The following ITGA6 variants were observed in gnomAD, a reference collection of about 807,000 sequenced individuals.
ITGA6 encodes the protein integrin alpha-6.
Under a neutral mutation model 133.6 loss-of-function variants are expected in ITGA6, and 63 were observed. The ratio of observed to expected loss-of-function variants is 0.47; its 90% CI spans 0.38 to 0.58. The LOEUF is 0.58. ITGA6 is among the 20% of genes least tolerant of loss of function. The pLI is 0.00. For missense variants in ITGA6, 1,068 were observed against 1,309.4 expected (o/e 0.82, Z 2.85); for synonymous variants, 434 against 482.0 (o/e 0.90, Z 1.30).
Position 172,465,591 on chromosome 2 carries a change from A to C in ITGA6, c.235A>C (p.Arg79=), listed in dbSNP as rs1007858324. 1 of 1,614,262 alleles carries C rather than the reference A, an allele frequency of 6.2e-7. No homozygotes were observed. Among genetic ancestry groups the C allele is most frequent in the African/African-American group, 1.3e-5 (1 of 75,064 alleles). ...AGCGCTTCCACTGCAGAGAGCCAAC[A>C]GAACGGGAGGGCTGTACAGCTGCGA... ...AEALPLQRAN[R]TGGLYSCDIT... The change falls in exon 2 of 26, where the codon AGA becomes CGA. Residue 79 remains arginine, a synonymous_variant. Transcript: ENST00000684293.
intron 23 of ITGA6, among the ~76,000 whole-genome samples, chr2:172,493,925 A>G (rs1487436902): frequency 6.6e-6 from 1 of 152,206 alleles, no homozygotes; most frequent in Non-Finnish European, 1.5e-5. Flanking sequence ...TAGAGCTTGG[A>G]GAACTCATGC....
chr2:172,433,961 G>T (rs1684213647), intron 1 of ITGA6, among the ~76,000 whole-genome samples: 1 of 152,134 alleles, frequency 6.6e-6, no homozygotes, highest in African/African-American at 2.4e-5. Flanking sequence ...TATAGGTTGG[G>T]CTTACTGCTA....
intron 1 of ITGA6, among the ~76,000 whole-genome samples, chr2:172,439,299 G>A (rs527651101): frequency 1.7e-4 from 26 of 151,986 alleles, no homozygotes; most frequent in Non-Finnish European, 2.6e-4. Context: ...AAAAAATGAC[G>A]AATGGCCTTG....
intron 24 of ITGA6, among the ~76,000 whole-genome samples, chr2:172,499,990 C>G (rs968060041): frequency 6.6e-6 from 1 of 152,056 alleles, no homozygotes; most frequent in South Asian, 2.1e-4. Flanking sequence ...CTCTAAAATA[C>G]GACTTATACA....
At chr2:172,502,018 A>G (rs1379743334) in intron 25 of ITGA6, 117 bp downstream of exon 25, 1 of 907,016 alleles carries the variant, frequency 1.1e-6, no homozygotes, top group Non-Finnish European at 1.7e-6. Context: ...CCAAATGTCC[A>G]CACTGGCTTG....
chr2:172,467,465 A>C lies in ITGA6; in HGVS notation c.308-16A>C. 6.2e-7 allele frequency: 1 copy of C among 1,607,760 alleles called. No homozygotes were observed. The highest frequency in any genetic ancestry group is 8.5e-7 in the Non-Finnish European group (1 of 1,174,418). On this transcript the variant is annotated splice_polypyrimidine_tract_variant and intron_variant, in intron 2 of 25. Coordinates refer to ENST00000684293, the MANE Select transcript of ITGA6 (RefSeq NM_000210.4). Reference sequence around the variant, plus strand: ...TGTGCAGTCACTTGGAAGGCTAACTATGCTCCTTTCTACAGCTGACCCCAC... The same window carrying C: ...TGTGCAGTCACTTGGAAGGCTAACTCTGCTCCTTTCTACAGCTGACCCCAC...
chr2:172,467,057 T>C (rs553034997), intron 2 of ITGA6, among the ~76,000 whole-genome samples: 1 of 152,288 alleles, frequency 6.6e-6, no homozygotes, highest in East Asian at 1.9e-4. Flanking sequence ...ATAAAAAAAT[T>C]GGGGAGTATA....
rs1347992432 is a variant in ITGA6, at chr2:172,504,128, T to A, written c.*60T>A. 17 of 1,600,762 alleles carry A rather than the reference T, an allele frequency of 1.1e-5. No individual in the cohort carries two copies. The highest frequency in any genetic ancestry group is 1.4e-5 in the Non-Finnish European group (16 of 1,173,108). Reference sequence around the variant, plus strand: ...AAACGCTCTAGGTACGATGACAGTGTTCCCCGATACCATGCTGTAAGGATC... The same window carrying A: ...AAACGCTCTAGGTACGATGACAGTGATCCCCGATACCATGCTGTAAGGATC... On this transcript the variant is annotated 3_prime_UTR_variant, in exon 26 of 26. Coordinates refer to ENST00000684293, the MANE Select transcript of ITGA6 (RefSeq NM_000210.4).
Position 172,449,738 on chromosome 2 carries a change from A to G in ITGA6, c.183-15801A>G, listed in dbSNP as rs1324313522. 2.0e-5 allele frequency among the ~76,000 whole-genome samples: 3 copies of G among 152,044 alleles called. No individual in the cohort carries two copies. In the East Asian group the frequency reaches 5.8e-4, roughly 29 times the overall value. On this transcript the variant is annotated intron_variant, in intron 1 of 25. Coordinates refer to ENST00000684293, the MANE Select transcript of ITGA6 (RefSeq NM_000210.4). ...GGAGTTTGAGACCAGCCTGACCAGC[A>G]TGGAGAAACCCCGTCTCTACTAAAA...
chr2:172,478,460 T>C (rs1435714235), intron 9 of ITGA6, among the ~76,000 whole-genome samples: 2 of 152,200 alleles, frequency 1.3e-5, no homozygotes, highest in African/African-American at 2.4e-5. Context: ...TTCTGAGTTC[T>C]GGTGGGGAGC....
chr2:172,498,975 G>A (rs908016131), intron 24 of ITGA6, among the ~76,000 whole-genome samples: 4 of 152,102 alleles, frequency 2.6e-5, no homozygotes, highest in African/African-American at 7.2e-5. Context: ...GTAGCATTAG[G>A]TATGCAGTGC....
In ITGA6 at chr2:172,474,913, CT is replaced by C. The variant is rs1315101942; in HGVS notation, c.987-15del. On this transcript the variant is annotated splice_polypyrimidine_tract_variant and intron_variant, in intron 6 of 25. Transcript: ENST00000684293. Reference sequence around the variant, plus strand: ...AGCTGTTGGTTCACGGCTCTTTCCCCTCATTATGTTTTTAGGTGGCAAGATA... The same window carrying C: ...AGCTGTTGGTTCACGGCTCTTTCCCCCATTATGTTTTTAGGTGGCAAGATA... 7.3e-7 allele frequency: 1 copy of C among 1,368,164 alleles called. No homozygotes were observed. The highest frequency in any genetic ancestry group is 2.3e-5 in the East Asian group (1 of 43,788). The allele number at this position is 1,368,164 out of a possible 1,614,324, so 84.8% of individuals were successfully genotyped here.
chr2:172,489,666 G>C lies in ITGA6; in HGVS notation c.2679+8G>C, dbSNP rs768511648. The stretch of plus-strand genomic sequence containing the variant: ...AACTCCCTGAACCTAACGGTATGTC[G>C]GTAGATTTATCTAATGTCTCCATAA... On this transcript the variant is annotated splice_region_variant and intron_variant, in intron 20 of 25. Coordinates refer to ENST00000684293, the MANE Select transcript of ITGA6 (RefSeq NM_000210.4). 6.2e-7 allele frequency: 1 copy of C among 1,610,500 alleles called. No individual in the cohort carries two copies. Among genetic ancestry groups the C allele is most frequent in the Non-Finnish European group, 8.5e-7 (1 of 1,176,956 alleles).
At chr2:172,453,980 C>T (rs539660798) in intron 1 of ITGA6, among the ~76,000 whole-genome samples, 16 of 151,874 alleles carry the variant, frequency 1.1e-4, no homozygotes, top group African/African-American at 3.4e-4. Context: ...CACACACAGT[C>T]GTATAATCAC....
intron 1 of ITGA6, among the ~76,000 whole-genome samples, chr2:172,439,308 T>C (rs12469875): frequency 0.085 from 12,921 of 151,908 alleles, 1,448 homozygotes; most frequent in East Asian, 0.52. Flanking sequence ...CGAATGGCCT[T>C]GTTGAATTGT....
At chr2:172,445,481 C>CTACAAAAAA (rs971277508) in intron 1 of ITGA6, among the ~76,000 whole-genome samples, 2 of 150,742 alleles carry the variant, frequency 1.3e-5, no homozygotes, top group Non-Finnish European at 3.0e-5. Flanking sequence ...AACCCCGTCT[C>CTACAAAAAA]TACAAAAAAT....
rs543210299 is a variant in ITGA6 at position 172,505,564 on chromosome 2, A to G, written c.*1496A>G. The G allele has an allele frequency of 6.6e-6, 1 of 152,644 alleles. No individual in the cohort carries two copies. The highest frequency in any genetic ancestry group is 1.5e-5 in the Non-Finnish European group (1 of 68,044). 9.5% of individuals were successfully genotyped at this position (152,644 alleles called of 1,614,324 possible). The stretch of plus-strand genomic sequence containing the variant: ...ACTCTATACATTCAACAGAGACTGA[A>G]TAGATATGAAAGCTGATTTTTTTTA... On this transcript the variant is annotated 3_prime_UTR_variant, in exon 26 of 26. Transcript: ENST00000684293.
Position 172,427,594 on chromosome 2 carries a change from C to T in ITGA6, c.-195C>T. ...GCGAGTCTCCAGAGAACAACGGGCT[C>T]ATTCAGCGGTCGCGAGCTGCCCGCG... On this transcript the variant is annotated 5_prime_UTR_variant, in exon 1 of 26. Coordinates refer to ENST00000684293, the MANE Select transcript of ITGA6 (RefSeq NM_000210.4). The T allele has an allele frequency of 1.6e-6, 2 of 1,267,766 alleles. No individual in the cohort carries two copies. The highest frequency in any genetic ancestry group is 2.0e-6 in the Non-Finnish European group (2 of 1,010,004). The allele number at this position is 1,267,766 out of a possible 1,614,324, so 78.5% of individuals were successfully genotyped here.
chr2:172,447,635 A>G (rs1175226592), intron 1 of ITGA6, among the ~76,000 whole-genome samples: 2 of 152,160 alleles, frequency 1.3e-5, no homozygotes, highest in African/African-American at 2.4e-5. Context: ...TGCTAATGTT[A>G]TTCTTTTTTC....
Sources: gnomAD v4.1 joint callset for allele counts (sites outside exome capture counted in the v4.1 genomes callset) on GRCh38, gnomAD v4.1.1 for gene constraint, MANE v1.5 for transcripts, NCBI Gene and HGNC (gene_info 2026-07-23, HGNC 2026-07-21) for gene names.